Variants in ELOVL2 observed in about 807,000 individuals in gnomAD.
ELOVL2 encodes the protein ELOVL fatty acid elongase 2.
In ELOVL2, 38 loss-of-function variants were observed where a neutral mutation model predicts 37.7. The ratio of observed to expected loss-of-function variants is 1.01; its 90% confidence interval spans 0.78 to 1.32. ELOVL2 has a LOEUF of 1.32. Among genes scored for constraint, ELOVL2 ranks in the 40% most tolerant of loss-of-function variants. ELOVL2 has a pLI of 0.00. For missense variants in ELOVL2, 352 were observed against 363.6 expected (o/e 0.97, Z 0.26); for synonymous variants, 115 against 122.3 (o/e 0.94, Z 0.40).
At chr6:11,009,392 C>G (rs572229912) in intron 2 of ELOVL2, among the ~76,000 whole-genome samples, 1 of 152,330 alleles carries the variant, frequency 6.6e-6, no homozygotes, top group East Asian at 1.9e-4. Flanking sequence ...GGTCATCTCT[C>G]TATCTGAAAA....
Position 10,983,630 on chromosome 6 carries a change from A to T in ELOVL2, c.*151T>A, listed in dbSNP as rs1232365356. On this transcript the variant is annotated 3_prime_UTR_variant, in exon 8 of 8. Coordinates refer to ENST00000354666, the MANE Select transcript of ELOVL2 (RefSeq NM_017770.4). ...AGCATTCAGTTAACAGATTAACCTA[A>T]TAGCAATATATTAATACATTCTGGG... is the stretch of plus-strand genomic sequence containing the variant. The T allele has an allele frequency of 2.4e-6, 2 of 847,168 alleles. No individual in the cohort carries two copies. The highest frequency in any genetic ancestry group is 6.6e-5 in the Admixed American group (2 of 30,176). The allele number at this position is 847,168 out of a possible 1,614,324, so 52.5% of individuals were successfully genotyped here.
intron 3 of ELOVL2, among the ~76,000 whole-genome samples, chr6:11,004,985 C>A (rs1270072955): frequency 1.3e-5 from 2 of 152,034 alleles, no homozygotes; most frequent in African/African-American, 4.8e-5. Flanking sequence ...ACAGTGAAAC[C>A]CTGTCTGTAC....
intron 1 of ELOVL2, among the ~76,000 whole-genome samples, chr6:11,033,628 T>G (rs532541484): frequency 6.6e-6 from 1 of 152,328 alleles, no homozygotes; most frequent in African/African-American, 2.4e-5. Context: ...GTGAGAACCA[T>G]TCAATAAGAA....
Position 11,044,125 on chromosome 6 carries a change from A to AGCGCCCGCGCCG in ELOVL2, c.3+91_3+102dup. The stretch of plus-strand genomic sequence containing the variant: ...TAGCGGGTTCCAGCGGCGAACCCGC[A>AGCGCCCGCGCCG]GCGCCCGCGCCGGCGCCCGCTCGGC... On this transcript the variant is annotated intron_variant, in intron 1 of 7. Transcript: ENST00000354666. The surrounding 1 kb of genome is among the most constrained non-coding windows in gnomAD (Gnocchi z 5.6). 1 of 1,321,888 alleles carries AGCGCCCGCGCCG rather than the reference A, an allele frequency of 7.6e-7. No individual in the cohort carries two copies. Among genetic ancestry groups the AGCGCCCGCGCCG allele is most frequent in the Non-Finnish European group, 9.8e-7 (1 of 1,022,592 alleles). The allele number at this position is 1,321,888 out of a possible 1,614,324, so 81.9% of individuals were successfully genotyped here. A position where few individuals can be genotyped will look rare whatever the true frequency, so the allele number is the denominator to read the frequency against.
At chr6:10,990,672 C>CCCT (rs1554110754) in intron 5 of ELOVL2, among the ~76,000 whole-genome samples, 1 of 108,852 alleles carries the variant, frequency 9.2e-6, no homozygotes, top group African/African-American at 3.2e-5. Context: ...AGAATGCCCC[C>CCCT]CCCCCGCCAC....
intron 5 of ELOVL2, among the ~76,000 whole-genome samples, chr6:10,993,826 T>G (rs1782210082): frequency 6.7e-6 from 1 of 150,364 alleles, no homozygotes; most frequent in African/African-American, 2.4e-5. Context: ...GAGCTGGTGG[T>G]ATTACAAGTG....
At chr6:11,039,968 A>G (rs989366006) in intron 1 of ELOVL2, among the ~76,000 whole-genome samples, 1 of 152,232 alleles carries the variant, frequency 6.6e-6, no homozygotes, top group Admixed American at 6.5e-5. Context: ...AGAGACAGGA[A>G]GTAAAAAAGT....
At chr6:11,021,251 T>C (rs1782761778) in intron 1 of ELOVL2, among the ~76,000 whole-genome samples, 1 of 152,236 alleles carries the variant, frequency 6.6e-6, no homozygotes, top group South Asian at 2.1e-4. Context: ...TCCCTCTGCC[T>C]GGATATGCCT....
chr6:11,030,170 T>C (rs191777887), intron 1 of ELOVL2, among the ~76,000 whole-genome samples: 114 of 152,334 alleles, frequency 7.5e-4, no homozygotes, highest in Non-Finnish European at 1.4e-3. Flanking sequence ...TTTCTATTAA[T>C]ACAACTTGTC....
chr6:10,993,301 T>C (rs1189327955), intron 5 of ELOVL2, among the ~76,000 whole-genome samples: 1 of 152,194 alleles, frequency 6.6e-6, no homozygotes, highest in Non-Finnish European at 1.5e-5. Flanking sequence ...AAATCTGAAA[T>C]ATAAAGCAAG....
In ELOVL2 at chr6:10,988,436, C is replaced by T. The variant is rs377727073; in HGVS notation, c.765+1267G>A. Among the ~76,000 whole-genome samples, 17 of 152,234 alleles carry T rather than the reference C, an allele frequency of 1.1e-4. No individual in the cohort carries two copies. In the East Asian group the frequency reaches 1.4e-3, roughly 12 times the overall value. ...AAGATTAGCCAGGCGTGGTGGCACA[C>T]GCCTGTAATCCCAGCTACTTGGGAG... On this transcript the variant is annotated intron_variant, in intron 7 of 7. Coordinates refer to ENST00000354666, the MANE Select transcript of ELOVL2 (RefSeq NM_017770.4).
intron 2 of ELOVL2, among the ~76,000 whole-genome samples, chr6:11,009,677 G>A (rs1782539151): frequency 1.3e-5 from 2 of 152,222 alleles, no homozygotes; most frequent in African/African-American, 4.8e-5. Flanking sequence ...GGCTTGAGCA[G>A]CTGTATGAAA....
chr6:11,015,327 C>A (rs1317404707), intron 1 of ELOVL2, among the ~76,000 whole-genome samples: 1 of 152,042 alleles, frequency 6.6e-6, no homozygotes, highest in Admixed American at 6.6e-5. Context: ...GCTCTTCATG[C>A]CAAAGGGAAA....
chr6:11,028,871 G>A (rs1042292987), intron 1 of ELOVL2, among the ~76,000 whole-genome samples: 1 of 151,914 alleles, frequency 6.6e-6, no homozygotes, highest in African/African-American at 2.4e-5. Flanking sequence ...TGGGACTTAA[G>A]AGAGGTAAAG....
intron 4 of ELOVL2, among the ~76,000 whole-genome samples, chr6:10,999,244 TTTTAAA>T (rs1238102321): frequency 4.6e-5 from 7 of 152,334 alleles, no homozygotes; most frequent in South Asian, 2.1e-4. Flanking sequence ...CTTGCTTTCT[TTTTAAA>T]TTTAATTTTG....
chr6:11,013,226 CT>C (rs1782613761), intron 1 of ELOVL2, among the ~76,000 whole-genome samples: 1 of 152,120 alleles, frequency 6.6e-6, no homozygotes, highest in Admixed American at 6.5e-5. Context: ...CTCTTTATTT[CT>C]GGGTTACTTA....
In ELOVL2 at chr6:10,983,532, T is replaced by TGGGA. The variant is rs1463544909; in HGVS notation, c.*245_*248dup. On this transcript the variant is annotated 3_prime_UTR_variant, in exon 8 of 8. Coordinates refer to ENST00000354666, the MANE Select transcript of ELOVL2 (RefSeq NM_017770.4). ...AGCTTCTGGCGAAAGGTTCAGTCTG[T>TGGGA]GGGAGGGAGGGAGAGAGAAGCTGCA... 1.5e-5 allele frequency: 5 copies of TGGGA among 323,974 alleles called. No homozygotes were observed. Among genetic ancestry groups the TGGGA allele is most frequent in the Middle Eastern group, 8.6e-4 (1 of 1,162 alleles). The allele number at this position is 323,974 out of a possible 1,614,324, so 20.1% of individuals were successfully genotyped here. A position where few individuals can be genotyped will look rare whatever the true frequency, so the allele number is the denominator to read the frequency against.
intron 3 of ELOVL2, among the ~76,000 whole-genome samples, chr6:11,003,165 C>T (rs953894357): frequency 6.6e-5 from 10 of 152,122 alleles, no homozygotes; most frequent in Non-Finnish European, 1.2e-4. Context: ...ACTTTAAATT[C>T]TGGGATACAT....
At chr6:11,002,582 A>G (rs932326114) in intron 3 of ELOVL2, among the ~76,000 whole-genome samples, 1 of 152,224 alleles carries the variant, frequency 6.6e-6, no homozygotes, top group African/African-American at 2.4e-5. Flanking sequence ...ACCTATACAA[A>G]GTTTAAGAGA....
Sources: allele counts gnomAD v4.1 joint callset (sites outside exome capture counted in the v4.1 genomes callset), GRCh38; gene constraint gnomAD v4.1.1; non-coding constraint Gnocchi (gnomAD v3.1); transcripts MANE v1.5; gene names NCBI Gene and HGNC (gene_info 2026-07-23, HGNC 2026-07-21).